The following LITAF variants were observed in gnomAD, a reference collection of about 807,000 sequenced individuals.
LITAF encodes lipopolysaccharide-induced tumor necrosis factor-alpha factor.
Under a neutral mutation model 14.5 loss-of-function variants are expected in LITAF, and 9 were observed. That is an observed-to-expected ratio of 0.62 (90% CI 0.37 to 1.08). The LOEUF is 1.08. Among genes scored for constraint, LITAF ranks in the 50% least tolerant of loss-of-function variants. The pLI, the probability that LITAF is intolerant of heterozygous loss-of-function variation, is 0.01. For missense variants in LITAF, 206 were observed against 213.4 expected, an observed-to-expected ratio of 0.97 and a Z score of 0.22; for synonymous variants, 98 against 88.2, an observed-to-expected ratio of 1.11 and a Z score of -0.62.
At chr16:11,574,308 CT>C (rs1272877510) in intron 1 of LITAF, among the ~76,000 whole-genome samples, 8 of 152,122 alleles carry the variant, frequency 5.3e-5, no homozygotes, top group African/African-American at 1.7e-4. Context: ...TCTCAAAGCG[CT>C]GGCATTACAG....
chr16:11,599,602 A>G (rs886106429), upstream of LITAF, among the ~76,000 whole-genome samples: 2 of 151,862 alleles, frequency 1.3e-5, no homozygotes, highest in Admixed American at 6.6e-5. Flanking sequence ...CATGACACAA[A>G]CCACCCCCTA....
At chr16:11,595,791 G>C (rs1178272007) in intron 1 of LITAF, among the ~76,000 whole-genome samples, 1 of 152,196 alleles carries the variant, frequency 6.6e-6, no homozygotes, top group Non-Finnish European at 1.5e-5. Context: ...CAGTTAATCT[G>C]AATTGCAGAG....
chr16:11,607,381 A>T (rs2064960208), intron 3 of LITAF, among the ~76,000 whole-genome samples: 1 of 152,180 alleles, frequency 6.6e-6, no homozygotes, highest in Admixed American at 6.5e-5. Flanking sequence ...CTTCACACCC[A>T]AGAAGGCTGG....
chr16:11,573,998 G>C (rs531628477), intron 1 of LITAF, among the ~76,000 whole-genome samples: 2 of 135,444 alleles, frequency 1.5e-5, no homozygotes, highest in African/African-American at 5.6e-5. Context: ...CAAGGTGCCC[G>C]GCGTTTTTTT....
exon 1 of LITAF, chr16:11,636,348 A>C (rs547795420): frequency 6.6e-6 from 1 of 152,390 alleles, no homozygotes; most frequent in South Asian, 2.1e-4. Flanking sequence ...CTCTCTGCGA[A>C]GAAAGGGGTC....
intron 1 of LITAF, among the ~76,000 whole-genome samples, chr16:11,564,336 G>A (rs1428305429): frequency 1.1e-4 from 16 of 152,116 alleles, no homozygotes; most frequent in Admixed American, 9.8e-4. Flanking sequence ...TCGGGACGTG[G>A]AAATAAACTC....
rs555099293 is a variant in LITAF at position 11,551,677 on chromosome 16, T to A, written c.377+1856A>T. 5.1e-5 allele frequency: 32 copies of A among 626,260 alleles called. 1 individual carries two copies. Among genetic ancestry groups the A allele is most frequent in the Middle Eastern group, 4.1e-4 (1 of 2,422 alleles). The allele number at this position is 626,260 out of a possible 1,614,324, so 38.8% of individuals were successfully genotyped here. A position where few individuals can be genotyped will look rare whatever the true frequency, so the allele number is the denominator to read the frequency against. On this transcript the variant is annotated intron_variant, in intron 3 of 3. Transcript: ENST00000622633. ...CTTCCACACACACAAAAAAAAAATTTAAAAATTAGCTAGGTATGGTGGCAC... is the reference window on the plus strand; with the variant it reads ...CTTCCACACACACAAAAAAAAAATTAAAAAATTAGCTAGGTATGGTGGCAC...
In LITAF at chr16:11,553,642, G is replaced by A. The variant is rs375665454; in HGVS notation, c.268C>T (p.Arg90Cys). The change falls in exon 3 of 4, where the codon CGC becomes TGC. Residue 90 changes from arginine (R) to cysteine (C), a missense_variant. Coordinates refer to ENST00000622633, the MANE Select transcript of LITAF (RefSeq NM_001136472.2). This position sits in a 1 kb window ranked among gnomAD's most constrained non-coding sequence, Gnocchi z 7.7. ...GAAGGACAACACATTTGGATAGGGC[G>A]GTCCAAAAAGGTGATGGGGTGCTGC... ...YVQHPITFLD[R>C]PIQMCCPSCN... 6.9e-5 allele frequency: 111 copies of A among 1,613,942 alleles called. No individual in the cohort carries two copies. Among genetic ancestry groups the A allele is most frequent in the South Asian group, 2.9e-4 (26 of 91,092 alleles).
intron 3 of LITAF, among the ~76,000 whole-genome samples, chr16:11,618,499 G>A (rs2065030679): frequency 6.6e-6 from 1 of 152,208 alleles, no homozygotes; most frequent in Non-Finnish European, 1.5e-5. Context: ...TTGAATTGCT[G>A]GCCATGCAGC....
chr16:11,637,023 C>T (rs1001911118), upstream of LITAF, among the ~76,000 whole-genome samples: 3 of 152,020 alleles, frequency 2.0e-5, no homozygotes, highest in African/African-American at 7.2e-5. Flanking sequence ...GCGCACACCA[C>T]CAGCGTGCTC....
chr16:11,619,578 T>C (rs2065037985), intron 3 of LITAF, among the ~76,000 whole-genome samples: 1 of 151,292 alleles, frequency 6.6e-6, no homozygotes, highest in African/African-American at 2.4e-5. Flanking sequence ...GTTTTTGTTT[T>C]TTTTTTTGGA....
At chr16:11,571,946 A>G (rs1567245758) in intron 1 of LITAF, among the ~76,000 whole-genome samples, 1 of 151,870 alleles carries the variant, frequency 6.6e-6, no homozygotes, top group Non-Finnish European at 1.5e-5. Flanking sequence ...TTAATTAGCC[A>G]GGCGTGGTGG....
rs1336997596 is a variant in LITAF at position 11,549,601 on chromosome 16, C to T, written c.*36G>A. 6.6e-7 allele frequency: 1 copy of T among 1,522,752 alleles called. No homozygotes were observed. Among genetic ancestry groups the T allele is most frequent in the Non-Finnish European group, 9.1e-7 (1 of 1,104,720 alleles). The allele number at this position is 1,522,752 out of a possible 1,614,324, so 94.3% of individuals were successfully genotyped here. A position where few individuals can be genotyped will look rare whatever the true frequency, so the allele number is the denominator to read the frequency against. ...CTGGATGAGAGGTGGAAAGGACTTC[C>T]TGCGGCACCCGGCTCCCTCCACGTC... On this transcript the variant is annotated 3_prime_UTR_variant, in exon 4 of 4. Coordinates refer to ENST00000622633, the MANE Select transcript of LITAF (RefSeq NM_001136472.2). The surrounding 1 kb of genome is among the most constrained non-coding windows in gnomAD (Gnocchi z 4.6).
chr16:11,614,051 T>A (rs1263173483), intron 3 of LITAF, among the ~76,000 whole-genome samples: 2 of 152,174 alleles, frequency 1.3e-5, no homozygotes, highest in Non-Finnish European at 2.9e-5. Flanking sequence ...GTTGTGCCCA[T>A]TGTACAGACG....
rs1292427544 is a variant in LITAF, at chr16:11,632,374, G to A, written c.85+1159C>T. ...GGAGAGAAGGTGAAGGAGGCACCGAGATGACAGAGACAGGGAGAGGGACAG... is the reference window on the plus strand; with the variant it reads ...GGAGAGAAGGTGAAGGAGGCACCGAAATGACAGAGACAGGGAGAGGGACAG... On this transcript the variant is annotated intron_variant, in intron 3 of 3. Transcript: ENST00000574848. The surrounding 1 kb of genome is among the most constrained non-coding windows in gnomAD (Gnocchi z 4.8). 6.6e-6 allele frequency among the ~76,000 whole-genome samples: 1 copy of A among 152,118 alleles called. No homozygotes were observed. Among genetic ancestry groups the A allele is most frequent in the Non-Finnish European group, 1.5e-5 (1 of 68,000 alleles).
chr16:11,551,144 G>T (rs1567234055), intron 3 of LITAF, among the ~76,000 whole-genome samples: 1 of 152,180 alleles, frequency 6.6e-6, no homozygotes, highest in Non-Finnish European at 1.5e-5. Flanking sequence ...ACAGGAAGAC[G>T]CTGGTTTACA....
At chr16:11,559,129 A>G (rs191734312) in intron 1 of LITAF, among the ~76,000 whole-genome samples, 38 of 152,160 alleles carry the variant, frequency 2.5e-4, no homozygotes, top group Admixed American at 8.5e-4. Flanking sequence ...GGTGTTGCAC[A>G]CTTCTGGTCC....
intron 1 of LITAF, among the ~76,000 whole-genome samples, chr16:11,582,008 T>A (rs566467274): frequency 6.6e-6 from 1 of 152,146 alleles, no homozygotes; most frequent in Non-Finnish European, 1.5e-5. Flanking sequence ...AGGAATAAGT[T>A]CTACTGTTCT....
At chr16:11,573,452 G>C (rs1275626070) in intron 1 of LITAF, among the ~76,000 whole-genome samples, 1 of 152,164 alleles carries the variant, frequency 6.6e-6, no homozygotes, top group Non-Finnish European at 1.5e-5. Context: ...ACCCCCACAT[G>C]TGGCTGAAAT....
Sources: gnomAD v4.1 joint callset for allele counts (sites outside exome capture counted in the v4.1 genomes callset) on GRCh38, gnomAD v4.1.1 for gene constraint, Gnocchi (gnomAD v3.1) non-coding constraint, MANE v1.5 for transcripts, NCBI Gene and HGNC (gene_info 2026-07-23, HGNC 2026-07-21) for gene names.